Variants in KIAA1217 observed in about 807,000 individuals in gnomAD.
The protein encoded by KIAA1217 is sickle tail protein homolog.
KIAA1217 carries 88 observed loss-of-function variants against 163.9 expected under a neutral mutation model. The ratio of observed to expected loss-of-function variants is 0.54; its 90% confidence interval spans 0.45 to 0.64. The LOEUF (loss-of-function observed/expected upper bound fraction) is 0.64. Ranked by LOEUF, KIAA1217 falls within the 30% of genes least tolerant of loss-of-function variation. The pLI, the probability that KIAA1217 is intolerant of heterozygous loss-of-function variation, is 0.00. For missense variants in KIAA1217, 2,372 were observed against 2,475.0 expected (o/e 0.96, Z 0.88); for synonymous variants, 903 against 923.1 (o/e 0.98, Z 0.39).
intron 20 of KIAA1217, chr10:24,545,442 C>T: frequency 7.8e-7 from 1 of 1,289,798 alleles, no homozygotes; most frequent in South Asian, 2.0e-5. Flanking sequence ...TTGAACTGCC[C>T]TTAACGTCAC....
chr10:24,015,407 T>C lies in KIAA1217; in HGVS notation c.-171+8033T>C, dbSNP rs191780395. ...CATGTTGCAGCCTCCTCAGTCTTAG[T>C]AGAAGAGAAAGACTTTATAATGATT... is the stretch of plus-strand genomic sequence containing the variant. On this transcript the variant is annotated intron_variant, in intron 2 of 18. Transcript: ENST00000376462. Among the ~76,000 whole-genome samples the C allele has an allele frequency of 7.8e-4, 119 of 152,192 alleles. 1 individual carries two copies. Among genetic ancestry groups the C allele is most frequent in the Admixed American group, 3.5e-3 (54 of 15,272 alleles).
Position 23,835,300 on chromosome 10 carries a change from A to C in KIAA1217, c.-321+140066A>C, listed in dbSNP as rs150196816. The stretch of plus-strand genomic sequence containing the variant: ...AAACCAGACCAGATGCTAATAGTAG[A>C]AAAAAGAATATGAAGGCTGAAATGT... On this transcript the variant is annotated intron_variant, in intron 1 of 18. Coordinates refer to the KIAA1217 transcript ENST00000376462. Among the ~76,000 whole-genome samples, 157 of 152,306 alleles carry C rather than the reference A, an allele frequency of 1.0e-3. 1 individual carries two copies. Among genetic ancestry groups the C allele is most frequent in the Non-Finnish European group, 1.7e-3 (113 of 68,024 alleles).
In KIAA1217 at chr10:23,978,310, G is replaced by A. The variant is rs547593341; in HGVS notation, c.-320-28915G>A. Among the ~76,000 whole-genome samples, 24 of 152,260 alleles carry A rather than the reference G, an allele frequency of 1.6e-4. No individual in the cohort carries two copies. In the East Asian group the frequency reaches 2.1e-3, roughly 13 times the overall value. ...CTTGAATCTTCAACCTGACCTCCTCGAGGAAGGAAGAACCTCCTAAAAGTT... is the reference window on the plus strand; with the variant it reads ...CTTGAATCTTCAACCTGACCTCCTCAAGGAAGGAAGAACCTCCTAAAAGTT... On this transcript the variant is annotated intron_variant, in intron 1 of 18. Coordinates refer to the KIAA1217 transcript ENST00000376462.
At chr10:23,909,897 T>C (rs1041827017) in intron 1 of KIAA1217, among the ~76,000 whole-genome samples, 3 of 152,206 alleles carry the variant, frequency 2.0e-5, no homozygotes, top group Admixed American at 6.5e-5. Context: ...GTTGAACTAA[T>C]TTACACTGCC....
Position 24,004,412 on chromosome 10 carries a change from A to C in KIAA1217, c.-320-2813A>C, listed in dbSNP as rs990266264. ...TCATTCATTATAACAAAATTCACTA[A>C]GAACTTCCACTTGGCCATTTTTAGT... On this transcript the variant is annotated intron_variant, in intron 1 of 18. Transcript: ENST00000376462. Among the ~76,000 whole-genome samples the C allele has an allele frequency of 2.6e-5, 4 of 152,208 alleles. No individual in the cohort carries two copies. The East Asian group carries it at 7.7e-4, about 29-fold the overall frequency.
chr10:23,796,249 C>T (rs1437632779), intron 1 of KIAA1217, among the ~76,000 whole-genome samples: 1 of 152,150 alleles, frequency 6.6e-6, no homozygotes, highest in Non-Finnish European at 1.5e-5. Flanking sequence ...CTCTAAATGA[C>T]CTTGTCTTAG....
At chr10:24,290,999 T>G (rs1159341448) in intron 2 of KIAA1217, among the ~76,000 whole-genome samples, 1 of 152,166 alleles carries the variant, frequency 6.6e-6, no homozygotes, top group African/African-American at 2.4e-5. Context: ...TCAAAGTTTG[T>G]TTTTCCTCCA....
intron 1 of KIAA1217, among the ~76,000 whole-genome samples, chr10:23,876,881 G>A (rs1840722614): frequency 6.6e-6 from 1 of 151,932 alleles, no homozygotes; most frequent in African/African-American, 2.4e-5. Context: ...TAAAGGGTGA[G>A]TTACGAAGAG....
intron 2 of KIAA1217, among the ~76,000 whole-genome samples, chr10:24,248,759 G>A (rs2074144044): frequency 6.6e-6 from 1 of 150,472 alleles, no homozygotes; most frequent in African/African-American, 2.5e-5. Context: ...TAGATAAAAG[G>A]TGTTTAGGTT....
intron 2 of KIAA1217, among the ~76,000 whole-genome samples, chr10:24,313,389 T>C (rs1037105835): frequency 7.9e-5 from 12 of 152,110 alleles, no homozygotes; most frequent in African/African-American, 2.4e-4. Context: ...GGCGATTAAA[T>C]GTTCTTATTT....
chr10:24,073,629 G>C (rs1249953219), intron 2 of KIAA1217, among the ~76,000 whole-genome samples: 1 of 152,190 alleles, frequency 6.6e-6, no homozygotes, highest in Non-Finnish European at 1.5e-5. Context: ...ATGCACTGGA[G>C]CAACTTATGA....
chr10:23,790,169 A>G (rs573782940), intron 1 of KIAA1217, among the ~76,000 whole-genome samples: 7 of 64,474 alleles, frequency 1.1e-4, no homozygotes, highest in Admixed American at 1.8e-4. Flanking sequence ...ATACACATAT[A>G]CACATATGCA....
At chr10:23,894,721 C>A (rs1203373554) in intron 1 of KIAA1217, among the ~76,000 whole-genome samples, 1 of 147,166 alleles carries the variant, frequency 6.8e-6, no homozygotes, top group Admixed American at 6.9e-5. Context: ...GGAGGCATCA[C>A]GCTACCTGAC....
At chr10:24,330,300 C>CAAA (rs397846537) in intron 2 of KIAA1217, among the ~76,000 whole-genome samples, 1 of 94,202 alleles carries the variant, frequency 1.1e-5, no homozygotes. Context: ...AACTCCATCT[C>CAAA]AAAAAAAAAA....
At chr10:24,035,105 G>C (rs1014583928) in intron 2 of KIAA1217, among the ~76,000 whole-genome samples, 1 of 152,194 alleles carries the variant, frequency 6.6e-6, no homozygotes. Flanking sequence ...GGGCCAGACT[G>C]ACTGAGTTCA....
At chr10:24,171,523 G>C (rs536600070) in intron 2 of KIAA1217, among the ~76,000 whole-genome samples, 2 of 152,142 alleles carry the variant, frequency 1.3e-5, no homozygotes, top group Admixed American at 6.5e-5. Context: ...AATGATGATC[G>C]GCTGGGCACG....
intron 1 of KIAA1217, among the ~76,000 whole-genome samples, chr10:23,893,755 A>G (rs1841529725): frequency 1.3e-5 from 2 of 152,056 alleles, no homozygotes; most frequent in Non-Finnish European, 2.9e-5. Flanking sequence ...ATACTGGCAA[A>G]CCAAATCCAG....
At chr10:24,057,653 AC>A (rs1422199724) in intron 2 of KIAA1217, among the ~76,000 whole-genome samples, 2 of 152,212 alleles carry the variant, frequency 1.3e-5, no homozygotes, top group Non-Finnish European at 2.9e-5. Flanking sequence ...AGTGATGCTG[AC>A]CATCTTTTAA....
chr10:23,761,261 A>G (rs539502966), intron 1 of KIAA1217, among the ~76,000 whole-genome samples: 1 of 151,714 alleles, frequency 6.6e-6, no homozygotes, highest in Admixed American at 6.6e-5. Flanking sequence ...ACAAACAAAA[A>G]ACAACCCTGA....
Sources: gnomAD v4.1 joint callset for allele counts (sites outside exome capture counted in the v4.1 genomes callset) on GRCh38, gnomAD v4.1.1 for gene constraint, MANE v1.5 for transcripts, NCBI Gene and HGNC (gene_info 2026-07-23, HGNC 2026-07-21) for gene names.